Variants in DLG2 observed in about 807,000 individuals in gnomAD.
The protein encoded by DLG2 is disks large homolog 2.
DLG2 carries 45 observed loss-of-function variants against 132.5 expected under a neutral mutation model. That is an observed-to-expected ratio of 0.34 (90% CI 0.27 to 0.44). The LOEUF is 0.44. DLG2 is among the 20% of genes least tolerant of loss of function. The pLI is 1.00. For synonymous variants in DLG2, 424 were observed against 419.6 expected (o/e 1.01, Z -0.13); for missense variants, 1,045 against 1,196.9 (o/e 0.87, Z 1.87).
intron 4 of DLG2, among the ~76,000 whole-genome samples, chr11:85,214,322 A>G (rs1234143075): frequency 1.3e-5 from 2 of 152,114 alleles, no homozygotes; most frequent in Non-Finnish European, 2.9e-5. Flanking sequence ...GCTTGACACT[A>G]TTTCAAAACT....
At chr11:83,884,016 G>A (rs1352787154) in intron 15 of DLG2, among the ~76,000 whole-genome samples, 3 of 144,814 alleles carry the variant, frequency 2.1e-5, no homozygotes, top group South Asian at 4.6e-4. Context: ...CGTGAGTGAC[G>A]CAGAAGACGG....
rs538313757 is a variant in DLG2, at chr11:83,797,668, G to A, written c.1723-10876C>T. ...CGAGTAGCTGGGACTACAGGCACTC[G>A]CCACCATGCCCAGCTAATTTTATGT... On this transcript the variant is annotated intron_variant, in intron 17 of 27. Transcript: ENST00000376104. Among the ~76,000 whole-genome samples, 17 of 152,026 alleles carry A rather than the reference G, an allele frequency of 1.1e-4. No individual in the cohort carries two copies. The South Asian group carries it at 1.2e-3, about 11-fold the overall frequency.
intron 6 of DLG2, chr11:84,546,371 C>A (rs996035534): frequency 1.0e-5 from 2 of 191,548 alleles, no homozygotes; most frequent in African/African-American, 4.7e-5. Flanking sequence ...TGAGGCCTCC[C>A]CGGAAGCCCA....
intron 6 of DLG2, among the ~76,000 whole-genome samples, chr11:85,097,077 A>G (rs957355613): frequency 1.3e-5 from 2 of 152,100 alleles, no homozygotes; most frequent in Admixed American, 6.6e-5. Context: ...TATCCTATCT[A>G]TTCTGAGCCT....
chr11:84,060,931 C>T (rs2096581894), intron 10 of DLG2, among the ~76,000 whole-genome samples: 1 of 152,168 alleles, frequency 6.6e-6, no homozygotes, highest in African/African-American at 2.4e-5. Flanking sequence ...GGTGAACCAC[C>T]TCCACAAACG....
rs184535451 is a variant in DLG2 at position 84,405,399 on chromosome 11, G to A, written c.519+129171C>T. Among the ~76,000 whole-genome samples the A allele has an allele frequency of 4.6e-5, 7 of 152,244 alleles. No homozygotes were observed. In the East Asian group the frequency reaches 1.4e-3, roughly 29 times the overall value. On this transcript the variant is annotated intron_variant, in intron 7 of 27. Coordinates refer to ENST00000376104, the MANE Select transcript of DLG2 (RefSeq NM_001142699.3). ...CTGACATGCTCTATGTCTTGGGCAAGTCACTTCTGTCTTCCGTACCATGAA... is the reference window on the plus strand; with the variant it reads ...CTGACATGCTCTATGTCTTGGGCAAATCACTTCTGTCTTCCGTACCATGAA...
intron 3 of DLG2, among the ~76,000 whole-genome samples, chr11:85,488,735 C>T (rs534029434): frequency 6.6e-6 from 1 of 152,194 alleles, no homozygotes; most frequent in African/African-American, 2.4e-5. Context: ...ACTGGAAGCC[C>T]ATAATTCTAT....
intron 4 of DLG2, among the ~76,000 whole-genome samples, chr11:85,221,681 T>A (rs779123457): frequency 6.6e-6 from 1 of 152,194 alleles, no homozygotes; most frequent in Non-Finnish European, 1.5e-5. Flanking sequence ...AATATTCACA[T>A]CAACTTTATA....
chr11:84,024,506 A>C (rs1306701166), intron 11 of DLG2, among the ~76,000 whole-genome samples: 1 of 152,180 alleles, frequency 6.6e-6, no homozygotes, highest in African/African-American at 2.4e-5. Flanking sequence ...GAATCAACCT[A>C]AGTGTCCATT....
chr11:83,887,902 C>T (rs945834561), intron 15 of DLG2, among the ~76,000 whole-genome samples: 1 of 150,188 alleles, frequency 6.7e-6, no homozygotes, highest in Non-Finnish European at 1.5e-5. Context: ...TTCAACAACG[C>T]TTCATGCTAA....
chr11:85,471,607 A>T (rs1017048135), intron 3 of DLG2, among the ~76,000 whole-genome samples: 1 of 152,220 alleles, frequency 6.6e-6, no homozygotes, highest in African/African-American at 2.4e-5. Flanking sequence ...GTTAGGAAAC[A>T]CTAAAGAGAA....
chr11:85,137,450 G>A (rs1024198006), intron 5 of DLG2, among the ~76,000 whole-genome samples: 4 of 152,182 alleles, frequency 2.6e-5, no homozygotes, highest in East Asian at 1.9e-4. Flanking sequence ...TGTTATTTCC[G>A]TCTCATCACA....
intron 6 of DLG2, among the ~76,000 whole-genome samples, chr11:84,900,320 A>T (rs2090728978): frequency 6.6e-6 from 1 of 152,104 alleles, no homozygotes; most frequent in South Asian, 2.1e-4. Context: ...TATTCTTAGC[A>T]AATTAATTAG....
At chr11:85,186,841 TC>T (rs978370103) in intron 4 of DLG2, among the ~76,000 whole-genome samples, 50 of 152,246 alleles carry the variant, frequency 3.3e-4, no homozygotes, top group African/African-American at 1.2e-3. Flanking sequence ...ATCATATATT[TC>T]ATTTTAAAAA....
intron 3 of DLG2, among the ~76,000 whole-genome samples, chr11:85,489,017 A>G (rs2093496899): frequency 6.6e-6 from 1 of 152,180 alleles, no homozygotes; most frequent in Non-Finnish European, 1.5e-5. Flanking sequence ...AAAGAAATAA[A>G]TAATTTAGAA....
At chr11:84,157,403 C>G (rs1043175088) in intron 9 of DLG2, among the ~76,000 whole-genome samples, 1 of 152,168 alleles carries the variant, frequency 6.6e-6, no homozygotes, top group Non-Finnish European at 1.5e-5. Flanking sequence ...TACTCCCTAT[C>G]TGAGAGGCCG....
At chr11:85,548,939 G>A (rs6592250) in intron 3 of DLG2, among the ~76,000 whole-genome samples, 194 of 152,204 alleles carry the variant, frequency 1.3e-3, no homozygotes, top group African/African-American at 4.5e-3. Flanking sequence ...GTGGGGGTGG[G>A]ACTGCCAAGC....
At chr11:83,891,692 T>G (rs78285673) in intron 15 of DLG2, among the ~76,000 whole-genome samples, 2,943 of 152,224 alleles carry the variant, frequency 0.019, 100 homozygotes, top group African/African-American at 0.067. Flanking sequence ...ATAGAACCCT[T>G]TACCCTGACA....
intron 3 of DLG2, among the ~76,000 whole-genome samples, chr11:85,461,832 C>T (rs768895077): frequency 7.2e-5 from 11 of 151,968 alleles, no homozygotes; most frequent in African/African-American, 1.2e-4. Context: ...AACTTGTGCA[C>T]GGCAAAAGAA....
Sources: allele counts gnomAD v4.1 joint callset (sites outside exome capture counted in the v4.1 genomes callset), GRCh38; gene constraint gnomAD v4.1.1; transcripts MANE v1.5; gene names NCBI Gene and HGNC (gene_info 2026-07-23, HGNC 2026-07-21).